The following ADAT2 variants were observed in gnomAD, a reference collection of about 807,000 sequenced individuals.
ADAT2 encodes adenosine deaminase tRNA specific 2.
In ADAT2, 26 loss-of-function variants were observed where a neutral mutation model predicts 25.9. That is an observed-to-expected ratio of 1.00 (90% CI 0.74 to 1.39). The LOEUF is 1.39. Among genes scored for constraint, ADAT2 ranks in the 40% most tolerant of loss-of-function variants. ADAT2 has a pLI of 0.00. For missense variants in ADAT2, 220 were observed against 244.8 expected, an observed-to-expected ratio of 0.90 and a Z score of 0.68; for synonymous variants, 76 against 86.8, an observed-to-expected ratio of 0.88 and a Z score of 0.69.
chr6:143,438,631 C>T lies in ADAT2; in HGVS notation c.160G>A (p.Val54Ile). 2 of 1,613,492 alleles carry T rather than the reference C, an allele frequency of 1.2e-6. No individual in the cohort carries two copies. Among genetic ancestry groups the T allele is most frequent in the Non-Finnish European group, 1.7e-6 (2 of 1,179,522 alleles). Residue 54 changes from valine (V) to isoleucine (I), a missense_variant, in exon 2 of 6, where the codon GTT (valine) becomes ATT (isoleucine). Coordinates refer to ENST00000237283, the MANE Select transcript of ADAT2 (RefSeq NM_182503.3). ...VGCLMVYNNE[V>I]VGKGRNEVNQ... ...ACTTCATTTCTCCCCTTCCCTACAA[C>T]TTCATTGTTGTAGACCATAAGACAG...
In ADAT2 at chr6:143,444,836, A is replaced by G; in HGVS notation, c.96+5727T>C. 1 of 957,076 alleles carries G rather than the reference A, an allele frequency of 1.0e-6. No homozygotes were observed. Among genetic ancestry groups the G allele is most frequent in the Non-Finnish European group, 1.4e-6 (1 of 711,110 alleles). 59.3% of individuals were successfully genotyped at this position (957,076 alleles called of 1,614,324 possible). On this transcript the variant is annotated intron_variant, in intron 1 of 5. Transcript: ENST00000237283. This position sits in a 1 kb window ranked among gnomAD's most constrained non-coding sequence, Gnocchi z 4.3. The stretch of plus-strand genomic sequence containing the variant: ...TAATGAAAGCACCTAGATGGAAGAG[A>G]CTTCGTAGTTTATTATTTTCTCCAA...
Position 143,436,598 on chromosome 6 carries a change from C to A in ADAT2, c.201+1992G>T, listed in dbSNP as rs1350221727. The A allele has an allele frequency of 4.9e-6, 2 of 410,730 alleles. No homozygotes were observed. The highest frequency in any genetic ancestry group is 9.9e-6 in the Non-Finnish European group (2 of 202,070). 25.4% of individuals were successfully genotyped at this position (410,730 alleles called of 1,614,324 possible). A position where few individuals can be genotyped will look rare whatever the true frequency, so the allele number is the denominator to read the frequency against. ...GAGGGCAAGAATGAGATGGAATTCACTGGGGCCGAGAGCAACATGAATGAC... is the reference window on the plus strand; with the variant it reads ...GAGGGCAAGAATGAGATGGAATTCAATGGGGCCGAGAGCAACATGAATGAC... On this transcript the variant is annotated intron_variant, in intron 2 of 5. Transcript: ENST00000237283. The surrounding 1 kb of genome is among the most constrained non-coding windows in gnomAD (Gnocchi z 4.1).
rs944709350 is a variant in ADAT2 at position 143,436,860 on chromosome 6, T to A, written c.201+1730A>T. The A allele has an allele frequency of 1.4e-5, 2 of 145,744 alleles. No homozygotes were observed. The highest frequency in any genetic ancestry group is 6.6e-5 in the Admixed American group (1 of 15,076). 9.0% of individuals were successfully genotyped at this position (145,744 alleles called of 1,614,324 possible). A position where few individuals can be genotyped will look rare whatever the true frequency, so the allele number is the denominator to read the frequency against. On this transcript the variant is annotated intron_variant, in intron 2 of 5. Coordinates refer to ENST00000237283, the MANE Select transcript of ADAT2 (RefSeq NM_182503.3). The surrounding 1 kb of genome is among the most constrained non-coding windows in gnomAD (Gnocchi z 4.1). The stretch of plus-strand genomic sequence containing the variant: ...GCATTTCCATAGTAAAAAAAATAAA[T>A]AAATAAATAAAAATTAAAAGTATGA...
chr6:143,449,465 C>G (rs1278776127), intron 1 of ADAT2, among the ~76,000 whole-genome samples: 2 of 152,106 alleles, frequency 1.3e-5, no homozygotes, highest in East Asian at 1.9e-4. Flanking sequence ...GGATGTGATT[C>G]CATAGTTTAC....
chr6:143,436,593 A>G lies in ADAT2; in HGVS notation c.201+1997T>C. The G allele has an allele frequency of 2.4e-6, 1 of 413,886 alleles. No individual in the cohort carries two copies. The highest frequency in any genetic ancestry group is 4.9e-6 in the Non-Finnish European group (1 of 203,396). The allele number at this position is 413,886 out of a possible 1,614,324, so 25.6% of individuals were successfully genotyped here. A position where few individuals can be genotyped will look rare whatever the true frequency, so the allele number is the denominator to read the frequency against. On this transcript the variant is annotated intron_variant, in intron 2 of 5. Coordinates refer to ENST00000237283, the MANE Select transcript of ADAT2 (RefSeq NM_182503.3). The surrounding 1 kb of genome is among the most constrained non-coding windows in gnomAD (Gnocchi z 4.1). ...TGGGCGAGGGCAAGAATGAGATGGA[A>G]TTCACTGGGGCCGAGAGCAACATGA...
intron 1 of ADAT2, among the ~76,000 whole-genome samples, chr6:143,443,332 G>C (rs992090636): frequency 1.3e-5 from 2 of 152,112 alleles, no homozygotes; most frequent in Non-Finnish European, 2.9e-5. Flanking sequence ...AGTAACAACA[G>C]ACACTTCACC....
chr6:143,427,804 C>T lies in ADAT2; in HGVS notation c.*659G>A, dbSNP rs1778983216. The T allele has an allele frequency of 6.6e-6, 1 of 152,140 alleles. No homozygotes were observed. The highest frequency in any genetic ancestry group is 2.1e-4 in the South Asian group (1 of 4,824). The allele number at this position is 152,140 out of a possible 1,614,324, so 9.4% of individuals were successfully genotyped here. A position where few individuals can be genotyped will look rare whatever the true frequency, so the allele number is the denominator to read the frequency against. On this transcript the variant is annotated 3_prime_UTR_variant, in exon 6 of 6. Coordinates refer to ENST00000237283, the MANE Select transcript of ADAT2 (RefSeq NM_182503.3). ...CCATTTATGTCTTTATCTTTTAAGA[C>T]TATTCATCTTCAAATAAGACATAAA...
In ADAT2 at chr6:143,434,077, C is replaced by A; in HGVS notation, c.202-96G>T. 1.4e-6 allele frequency: 2 copies of A among 1,445,648 alleles called. No homozygotes were observed. The highest frequency in any genetic ancestry group is 1.4e-5 in the African/African-American group (1 of 71,010). 89.6% of individuals were successfully genotyped at this position (1,445,648 alleles called of 1,614,324 possible). A position where few individuals can be genotyped will look rare whatever the true frequency, so the allele number is the denominator to read the frequency against. ...ACTAAGTACAAAATATGCGCCTATC[C>A]TTTCTGCCAATATTTTAATGAATAC... On this transcript the variant is annotated intron_variant, in intron 2 of 5. Transcript: ENST00000237283. This position sits in a 1 kb window ranked among gnomAD's most constrained non-coding sequence, Gnocchi z 4.5.
rs1168686321 is a variant in ADAT2 at position 143,437,399 on chromosome 6, G to A, written c.201+1191C>T. Reference sequence around the variant, plus strand: ...TCATCTTCATGTAGCCTTATTGGTTGTTATTTCATTTTCCTCTGTTCCTTT... The same window carrying A: ...TCATCTTCATGTAGCCTTATTGGTTATTATTTCATTTTCCTCTGTTCCTTT... On this transcript the variant is annotated intron_variant, in intron 2 of 5. Coordinates refer to ENST00000237283, the MANE Select transcript of ADAT2 (RefSeq NM_182503.3). This position sits in a 1 kb window ranked among gnomAD's most constrained non-coding sequence, Gnocchi z 4.1. Among the ~76,000 whole-genome samples the A allele has an allele frequency of 6.6e-6, 1 of 152,052 alleles. No individual in the cohort carries two copies. The highest frequency in any genetic ancestry group is 1.5e-5 in the Non-Finnish European group (1 of 67,990).
At position 143,432,436 on chromosome 6, in the gene ADAT2, T is replaced by C. The variant is rs1779142474; in HGVS notation, c.459+69A>G. 1.4e-6 allele frequency: 2 copies of C among 1,391,144 alleles called. No individual in the cohort carries two copies. The highest frequency in any genetic ancestry group is 2.4e-5 in the South Asian group (2 of 85,086). The allele number at this position is 1,391,144 out of a possible 1,614,324, so 86.2% of individuals were successfully genotyped here. On this transcript the variant is annotated intron_variant, in intron 4 of 5. Coordinates refer to ENST00000237283, the MANE Select transcript of ADAT2 (RefSeq NM_182503.3). This position sits in a 1 kb window ranked among gnomAD's most constrained non-coding sequence, Gnocchi z 4.4. ...TCTTCGTATACTGGCCACACACTAG[T>C]TATTCACAAGCCCATAAAGAGATGA...
chr6:143,423,814 G>A lies in ADAT2; in HGVS notation c.*4649C>T, dbSNP rs918904940. ...GATGAGAAATTTCATAGATATTGGG[G>A]ATGTGGGATTCTCTCTAAACTAGCT... is the stretch of plus-strand genomic sequence containing the variant. On this transcript the variant is annotated 3_prime_UTR_variant, in exon 6 of 6. Coordinates refer to ENST00000237283, the MANE Select transcript of ADAT2 (RefSeq NM_182503.3). The A allele has an allele frequency of 2.6e-5, 4 of 152,188 alleles. No individual in the cohort carries two copies. Among genetic ancestry groups the A allele is most frequent in the African/African-American group, 7.2e-5 (3 of 41,434 alleles). The allele number at this position is 152,188 out of a possible 1,614,324, so 9.4% of individuals were successfully genotyped here.
In ADAT2 at chr6:143,423,430, G is replaced by C; in HGVS notation, c.*5033C>G. ...TGGTACCGAAACCGGCAGCGGGCTG[G>C]ATATGGCCCATGGGCCATACTTTGT... On this transcript the variant is annotated 3_prime_UTR_variant, in exon 6 of 6. Coordinates refer to ENST00000237283, the MANE Select transcript of ADAT2 (RefSeq NM_182503.3). 1 of 152,094 alleles carries C rather than the reference G, an allele frequency of 6.6e-6. No homozygotes were observed. Among genetic ancestry groups the C allele is most frequent in the East Asian group, 1.9e-4 (1 of 5,198 alleles). The allele number at this position is 152,094 out of a possible 1,614,324, so 9.4% of individuals were successfully genotyped here.
At chr6:143,438,716 G>A in intron 1 of ADAT2, 22 bp from the exon 2 acceptor site, 1 of 1,577,024 alleles carries the variant, frequency 6.3e-7, no homozygotes, top group Non-Finnish European at 8.7e-7. Context: ...AGTGGAAAAT[G>A]TAAGACGTAA....
Position 143,446,079 on chromosome 6 carries a change from CA to C in ADAT2, c.96+4483del, listed in dbSNP as rs768380845. Among the ~76,000 whole-genome samples, 6,262 of 137,908 alleles carry C rather than the reference CA, an allele frequency of 0.045. 443 individuals are homozygous for C. Among genetic ancestry groups the C allele is most frequent in the African/African-American group, 0.15 (5,847 of 38,140 alleles). The allele number at this position is 137,908 out of a possible 152,430, so 90.5% of individuals were successfully genotyped here. A position where few individuals can be genotyped will look rare whatever the true frequency, so the allele number is the denominator to read the frequency against. On this transcript the variant is annotated intron_variant, in intron 1 of 5. Coordinates refer to ENST00000237283, the MANE Select transcript of ADAT2 (RefSeq NM_182503.3). The surrounding 1 kb of genome is among the most constrained non-coding windows in gnomAD (Gnocchi z 5.0). ...ATTAAAAAAAAAAAACCTCATGTATCAAAAAAAAAAAACCCACTAAGAATCC... is the reference window on the plus strand; with the variant it reads ...ATTAAAAAAAAAAAACCTCATGTATCAAAAAAAAAAACCCACTAAGAATCC...
At chr6:143,449,174 A>T (rs1188389357) in intron 1 of ADAT2, among the ~76,000 whole-genome samples, 1 of 152,144 alleles carries the variant, frequency 6.6e-6, no homozygotes, top group Non-Finnish European at 1.5e-5. Context: ...CAGCCTCCTG[A>T]GTAGTTGGGA....
Position 143,432,552 on chromosome 6 carries a change from G to C in ADAT2, c.412C>G (p.Leu138Val). The change falls in exon 4 of 6, where the codon CTA becomes GTA. Residue 138 changes from leucine (L) to valine (V), a missense_variant. Leu to Val is a conservative substitution (Grantham distance 32, BLOSUM62 1). Transcript: ENST00000237283. This position sits in a 1 kb window ranked among gnomAD's most constrained non-coding sequence, Gnocchi z 4.4. ...NERFGGCGSV[L>V]NIASADLPNT... ...GGTAGGTCAGCAGAGGCAATATTTA[G>C]AACAGAGCCACAACCACCAAATCGT... 2 of 1,614,180 alleles carry C rather than the reference G, an allele frequency of 1.2e-6. No homozygotes were observed. The highest frequency in any genetic ancestry group is 1.7e-6 in the Non-Finnish European group (2 of 1,180,040).
Position 143,440,967 on chromosome 6 carries a change from A to G in ADAT2, c.97-2273T>C, listed in dbSNP as rs1779441436. 1.3e-5 allele frequency among the ~76,000 whole-genome samples: 2 copies of G among 152,172 alleles called. No individual in the cohort carries two copies. The highest frequency in any genetic ancestry group is 2.4e-5 in the African/African-American group (1 of 41,446). On this transcript the variant is annotated intron_variant, in intron 1 of 5. Transcript: ENST00000237283. This position sits in a 1 kb window ranked among gnomAD's most constrained non-coding sequence, Gnocchi z 4.5. ...CACAGAAGGCAAGAGGCGAAGTGAT[A>G]ACGGAAGGAGAGAGAGAGAGATTTG...
Position 143,424,850 on chromosome 6 carries a change from G to A in ADAT2, c.*3613C>T, listed in dbSNP as rs1295551572. 1 of 152,106 alleles carries A rather than the reference G, an allele frequency of 6.6e-6. No homozygotes were observed. Among genetic ancestry groups the A allele is most frequent in the African/African-American group, 2.4e-5 (1 of 41,422 alleles). The allele number at this position is 152,106 out of a possible 1,614,324, so 9.4% of individuals were successfully genotyped here. A position where few individuals can be genotyped will look rare whatever the true frequency, so the allele number is the denominator to read the frequency against. Reference sequence around the variant, plus strand: ...AATTTTCCTCCTCTCCTTTCCATCAGTGTCAAATACATTTTCTGTTTAAAA... The same window carrying A: ...AATTTTCCTCCTCTCCTTTCCATCAATGTCAAATACATTTTCTGTTTAAAA... On this transcript the variant is annotated 3_prime_UTR_variant, in exon 6 of 6. Transcript: ENST00000237283. This position sits in a 1 kb window ranked among gnomAD's most constrained non-coding sequence, Gnocchi z 4.8.
Position 143,427,129 on chromosome 6 carries a change from ACACAC to A in ADAT2, c.*1329_*1333del, listed in dbSNP as rs1480681248. On this transcript the variant is annotated 3_prime_UTR_variant, in exon 6 of 6. Coordinates refer to ENST00000237283, the MANE Select transcript of ADAT2 (RefSeq NM_182503.3). ...CACACACACACACACACACACACAC[ACACAC>A]AAAACCAAGCAATTATAAGTCCTCT... The A allele has an allele frequency of 1.3e-5, 2 of 152,476 alleles. No individual in the cohort carries two copies. The highest frequency in any genetic ancestry group is 2.9e-5 in the Non-Finnish European group (2 of 68,114). 9.4% of individuals were successfully genotyped at this position (152,476 alleles called of 1,614,324 possible).
Sources: allele counts gnomAD v4.1 joint callset (sites outside exome capture counted in the v4.1 genomes callset), GRCh38; gene constraint gnomAD v4.1.1; non-coding constraint Gnocchi (gnomAD v3.1); transcripts MANE v1.5; gene names NCBI Gene and HGNC (gene_info 2026-07-23, HGNC 2026-07-21).